The following PPARD variants were observed in gnomAD, a reference collection of about 807,000 sequenced individuals.
PPARD encodes peroxisome proliferator-activated receptor delta.
PPARD carries 6 observed loss-of-function variants against 39.5 expected under a neutral mutation model. The ratio of observed to expected loss-of-function variants is 0.15; its 90% CI spans 0.08 to 0.30. PPARD has a LOEUF of 0.30. PPARD is among the 10% of genes least tolerant of loss of function. The pLI is 1.00. For missense variants in PPARD, 397 were observed against 596.8 expected, an observed-to-expected ratio of 0.67 and a Z score of 3.49; for synonymous variants, 210 against 231.3, an observed-to-expected ratio of 0.91 and a Z score of 0.83.
chr6:35,383,893 TGAG>T (rs1472818430), intron 2 of PPARD, among the ~76,000 whole-genome samples: 1 of 140,250 alleles, frequency 7.1e-6, no homozygotes, highest in Non-Finnish European at 1.5e-5. Context: ...GTCTGGGAAG[TGAG>T]GAGCGTCTCC....
chr6:35,388,080 A>G (rs1409907909), intron 2 of PPARD, among the ~76,000 whole-genome samples: 1 of 149,118 alleles, frequency 6.7e-6, no homozygotes, highest in Non-Finnish European at 1.5e-5. Context: ...TGTTAGGTGG[A>G]CTGTGGCTTA....
chr6:35,383,484 G>A (rs1763276145), intron 2 of PPARD, among the ~76,000 whole-genome samples: 1 of 151,428 alleles, frequency 6.6e-6, no homozygotes, highest in African/African-American at 2.4e-5. Context: ...TCTCTGCTTG[G>A]CCACCCATCG....
chr6:35,352,817 G>T (rs954118857), intron 2 of PPARD, among the ~76,000 whole-genome samples: 1 of 152,196 alleles, frequency 6.6e-6, no homozygotes, highest in African/African-American at 2.4e-5. Flanking sequence ...GTTCTGAGCA[G>T]AAGCATTCCC....
intron 2 of PPARD, among the ~76,000 whole-genome samples, chr6:35,361,753 C>T (rs879564137): frequency 1.3e-5 from 2 of 152,164 alleles, no homozygotes; most frequent in African/African-American, 4.8e-5. Flanking sequence ...TTTAGTTTTA[C>T]ACCTTGCTGA....
At chr6:35,421,772 C>T (rs1426743190) in intron 4 of PPARD, 48 bp from the exon 5 acceptor site, 14 of 1,560,030 alleles carry the variant, frequency 9.0e-6, no homozygotes, top group African/African-American at 1.4e-5. Flanking sequence ...GGCACAGCCT[C>T]CCTCCCACCT....
In PPARD at chr6:35,424,748, C is replaced by T. The variant is rs1228610305; in HGVS notation, c.1047C>T (p.Ala349=). 4 of 1,614,160 alleles carry T rather than the reference C, an allele frequency of 2.5e-6. No individual in the cohort carries two copies. The highest frequency in any genetic ancestry group is 1.7e-5 in the Admixed American group (1 of 60,022). The change falls in exon 7 of 8, where the codon GCC becomes GCT. Residue 349 remains alanine (A), a synonymous_variant. Coordinates refer to ENST00000360694, the MANE Select transcript of PPARD (RefSeq NM_006238.5). This position sits in a 1 kb window ranked among gnomAD's most constrained non-coding sequence, Gnocchi z 7.1. ...TGGAACTTGATGACAGTGACCTGGC[C>T]CTATTCATTGCGGCCATCATTCTGT... is the stretch of plus-strand genomic sequence containing the variant. ...NALELDDSDL[A]LFIAAIILCG... is the part of the protein sequence containing the mutation.
At chr6:35,351,319 C>T (rs1370911529) in intron 2 of PPARD, among the ~76,000 whole-genome samples, 1 of 152,188 alleles carries the variant, frequency 6.6e-6, no homozygotes, top group East Asian at 1.9e-4. Flanking sequence ...GCCACTGCGC[C>T]AGTCCCTTTA....
In PPARD at chr6:35,350,106, G is replaced by A. The variant is rs73411750; in HGVS notation, c.-102+2956G>A. ...TGCCCATCCTTTTATTAGATTATTCGTTTTTTTCCTATAGAGTTGTTTGAG... is the reference window on the plus strand; with the variant it reads ...TGCCCATCCTTTTATTAGATTATTCATTTTTTTCCTATAGAGTTGTTTGAG... On this transcript the variant is annotated intron_variant, in intron 2 of 7. Transcript: ENST00000360694. Among the ~76,000 whole-genome samples the A allele has an allele frequency of 2.1e-3, 317 of 152,132 alleles. 5 individuals carry two copies. Among genetic ancestry groups the A allele is most frequent in the African/African-American group, 7.1e-3 (295 of 41,500 alleles).
chr6:35,358,273 T>A (rs986690807), intron 2 of PPARD, among the ~76,000 whole-genome samples: 1 of 152,084 alleles, frequency 6.6e-6, no homozygotes, highest in Non-Finnish European at 1.5e-5. Context: ...GCAACGAACG[T>A]AGCTTTGGAA....
intron 2 of PPARD, among the ~76,000 whole-genome samples, chr6:35,353,707 G>A (rs1303282095): frequency 1.3e-5 from 2 of 152,160 alleles, no homozygotes; most frequent in African/African-American, 4.8e-5. Context: ...AAAAGTAGGG[G>A]AAGAAAGGAG....
chr6:35,374,971 G>A (rs757926419), intron 2 of PPARD, among the ~76,000 whole-genome samples: 2 of 152,024 alleles, frequency 1.3e-5, no homozygotes, highest in African/African-American at 2.4e-5. Flanking sequence ...TTTTTGCCGT[G>A]AGGTCTGATG....
intron 2 of PPARD, among the ~76,000 whole-genome samples, chr6:35,384,165 A>G (rs1238644073): frequency 1.8e-4 from 22 of 120,210 alleles, no homozygotes; most frequent in Non-Finnish European, 2.9e-4. Context: ...CCCTACTGGG[A>G]AGTGAGGAGC....
In PPARD at chr6:35,424,050, G is replaced by C; in HGVS notation, c.529G>C (p.Ala177Pro). The C allele has an allele frequency of 1.2e-6, 2 of 1,614,190 alleles. No individual in the cohort carries two copies. The highest frequency in any genetic ancestry group is 8.5e-7 in the Non-Finnish European group (1 of 1,180,026). ...CAACCCACAGGTGGCCGACCTGAAG[G>C]CCTTCTCCAAGCACATCTACAATGC... Reference protein sequence around the residue: ...QYNPQVADLKAFSKHIYNAYL... With the variant: ...QYNPQVADLKPFSKHIYNAYL... Residue 177 changes from alanine to proline, a missense_variant, in exon 6 of 8, where the codon GCC (alanine) becomes CCC (proline). Physicochemically the swap from Ala to Pro is conservative, Grantham distance 27. Coordinates refer to ENST00000360694, the MANE Select transcript of PPARD (RefSeq NM_006238.5). This position sits in a 1 kb window ranked among gnomAD's most constrained non-coding sequence, Gnocchi z 7.1.
In PPARD at chr6:35,425,368, C is replaced by T. The variant is rs936684102; in HGVS notation, c.1079-464C>T. 3.9e-6 allele frequency: 4 copies of T among 1,013,746 alleles called. No homozygotes were observed. The highest frequency in any genetic ancestry group is 3.5e-5 in the African/African-American group (2 of 57,882). The allele number at this position is 1,013,746 out of a possible 1,614,324, so 62.8% of individuals were successfully genotyped here. On this transcript the variant is annotated intron_variant, in intron 7 of 7. Transcript: ENST00000360694. This position sits in a 1 kb window ranked among gnomAD's most constrained non-coding sequence, Gnocchi z 4.5. ...TTTTTCTGCATTTTTAAAATTCCAA[C>T]ACAATAAATACAATAATAACTATGC...
chr6:35,371,737 T>C (rs973649819), intron 2 of PPARD, among the ~76,000 whole-genome samples: 2 of 152,206 alleles, frequency 1.3e-5, no homozygotes, highest in Non-Finnish European at 2.9e-5. Context: ...CATGACCACC[T>C]TGTTTGGAAA....
At chr6:35,376,529 T>A (rs929160825) in intron 2 of PPARD, among the ~76,000 whole-genome samples, 1 of 152,216 alleles carries the variant, frequency 6.6e-6, no homozygotes, top group Non-Finnish European at 1.5e-5. Flanking sequence ...GGAGGGATTC[T>A]CTTTTCTGGC....
intron 2 of PPARD, among the ~76,000 whole-genome samples, chr6:35,368,789 T>G (rs1762336794): frequency 6.6e-6 from 1 of 152,220 alleles, no homozygotes; most frequent in African/African-American, 2.4e-5. Flanking sequence ...TTGCATGCTT[T>G]GATAGTATCT....
chr6:35,388,008 C>T (rs1763776403), intron 2 of PPARD, among the ~76,000 whole-genome samples: 1 of 150,762 alleles, frequency 6.6e-6, no homozygotes, highest in African/African-American at 2.5e-5. Context: ...AGGTGCGAGC[C>T]ACCACACCTG....
intron 3 of PPARD, among the ~76,000 whole-genome samples, chr6:35,416,593 G>A (rs1259857459): frequency 2.0e-5 from 3 of 152,122 alleles, no homozygotes; most frequent in Admixed American, 1.3e-4. Flanking sequence ...GAGGTTTTAC[G>A]TGAGATGAAA....
Sources: gnomAD v4.1 joint callset for allele counts (sites outside exome capture counted in the v4.1 genomes callset) on GRCh38, gnomAD v4.1.1 for gene constraint, Gnocchi (gnomAD v3.1) non-coding constraint, MANE v1.5 for transcripts, NCBI Gene and HGNC (gene_info 2026-07-23, HGNC 2026-07-21) for gene names.